The following KIAA1328 variants were observed in gnomAD, a reference collection of about 807,000 sequenced individuals.
The protein encoded by KIAA1328 is protein hinderin.
KIAA1328 carries 52 observed loss-of-function variants against 68.1 expected under a neutral mutation model. The ratio of observed to expected loss-of-function variants is 0.76; its 90% CI spans 0.61 to 0.96. The LOEUF is 0.96. Ranked by LOEUF, KIAA1328 falls within the 40% of genes least tolerant of loss-of-function variation. The probability of loss-of-function intolerance (pLI) is 0.00; values close to 1 mark genes in which losing one functional copy is unlikely to be tolerated. For missense variants in KIAA1328, 641 were observed against 677.6 expected, an observed-to-expected ratio of 0.95 and a Z score of 0.60; for synonymous variants, 232 against 239.4, an observed-to-expected ratio of 0.97 and a Z score of 0.28.
chr18:36,845,103 T>C (rs1469489224), intron 4 of KIAA1328, among the ~76,000 whole-genome samples: 2 of 151,732 alleles, frequency 1.3e-5, no homozygotes, highest in Non-Finnish European at 3.0e-5. Flanking sequence ...TACCTTACTC[T>C]AAGTCATACA....
rs58722044 is a variant in KIAA1328 at position 37,071,057 on chromosome 18, CTTTTTTTTTTTTT to C, written c.1232+3527_1232+3539del. On this transcript the variant is annotated intron_variant, in intron 7 of 9. Transcript: ENST00000280020. Reference sequence around the variant, plus strand: ...TTTTTTGTTTTTGATTTTTTTCTTCCTTTTTTTTTTTTTTTTTTTTTTTTTTTGGTTTGACAGG... The same window carrying C: ...TTTTTTGTTTTTGATTTTTTTCTTCCTTTTTTTTTTTTTTGGTTTGACAGG... 6.9e-5 allele frequency among the ~76,000 whole-genome samples: 6 copies of C among 86,846 alleles called. No individual in the cohort carries two copies. In the East Asian group the frequency reaches 1.0e-3, roughly 15 times the overall value. The allele number at this position is 86,846 out of a possible 152,430, so 57.0% of individuals were successfully genotyped here. A position where few individuals can be genotyped will look rare whatever the true frequency, so the allele number is the denominator to read the frequency against.
At chr18:37,115,502 A>C (rs1396978427) in intron 7 of KIAA1328, among the ~76,000 whole-genome samples, 1 of 152,240 alleles carries the variant, frequency 6.6e-6, no homozygotes, top group African/African-American at 2.4e-5. Flanking sequence ...CTAGGTATTG[A>C]TGGGACGTAT....
At chr18:37,213,728 T>A (rs1428768936) in intron 9 of KIAA1328, among the ~76,000 whole-genome samples, 1 of 152,166 alleles carries the variant, frequency 6.6e-6, no homozygotes, top group Non-Finnish European at 1.5e-5. Flanking sequence ...CGCCACACTG[T>A]CTTCCACAAT....
At chr18:36,910,502 C>T (rs1200739534) in intron 5 of KIAA1328, among the ~76,000 whole-genome samples, 1 of 152,118 alleles carries the variant, frequency 6.6e-6, no homozygotes, top group Non-Finnish European at 1.5e-5. Flanking sequence ...GGTACCAGTA[C>T]CATGCTGTTT....
intron 6 of KIAA1328, among the ~76,000 whole-genome samples, chr18:37,064,085 T>C (rs1223908681): frequency 1.3e-5 from 2 of 152,166 alleles, no homozygotes; most frequent in Admixed American, 1.3e-4. Flanking sequence ...AGATTCCCTT[T>C]AGATGTAAAA....
chr18:37,016,464 G>C (rs2054156530), intron 6 of KIAA1328, among the ~76,000 whole-genome samples: 1 of 151,998 alleles, frequency 6.6e-6, no homozygotes, highest in African/African-American at 2.4e-5. Context: ...TCAGATTCTG[G>C]TATCAGGATG....
At chr18:37,044,185 T>C (rs2055370256) in intron 6 of KIAA1328, among the ~76,000 whole-genome samples, 1 of 152,194 alleles carries the variant, frequency 6.6e-6, no homozygotes, top group African/African-American at 2.4e-5. Flanking sequence ...GATTATAATG[T>C]AATTGTTTTA....
chr18:36,925,079 C>T (rs1181558593), intron 5 of KIAA1328: 1 of 152,116 alleles, frequency 6.6e-6, no homozygotes, highest in African/African-American at 2.4e-5. Context: ...AATGATAATA[C>T]ACCATGGTGT....
At chr18:37,045,506 AT>A (rs1484105469) in intron 6 of KIAA1328, among the ~76,000 whole-genome samples, 1 of 151,330 alleles carries the variant, frequency 6.6e-6, no homozygotes, top group Non-Finnish European at 1.5e-5. Context: ...TTTTTTAAAA[AT>A]TTTTTGTTCT....
intron 6 of KIAA1328, among the ~76,000 whole-genome samples, chr18:36,987,661 A>T (rs2052996214): frequency 6.6e-6 from 1 of 152,064 alleles, no homozygotes; most frequent in Non-Finnish European, 1.5e-5. Context: ...GAGTGGGTGG[A>T]AGAGATTACA....
At chr18:37,041,264 T>G (rs1043624882) in intron 6 of KIAA1328, among the ~76,000 whole-genome samples, 3 of 152,026 alleles carry the variant, frequency 2.0e-5, no homozygotes, top group Non-Finnish European at 4.4e-5. Flanking sequence ...TTATTATGTC[T>G]TTCTTATTAA....
chr18:37,104,840 A>G (rs1011638658), intron 7 of KIAA1328, among the ~76,000 whole-genome samples: 2 of 152,218 alleles, frequency 1.3e-5, no homozygotes, highest in Non-Finnish European at 1.5e-5. Context: ...AATCATATCA[A>G]AAAGTGTGGA....
At chr18:37,138,390 T>G (rs1441925984) in intron 7 of KIAA1328, among the ~76,000 whole-genome samples, 1 of 152,188 alleles carries the variant, frequency 6.6e-6, no homozygotes, top group East Asian at 1.9e-4. Context: ...TTAGTGCTCC[T>G]CGGGGTGAGA....
intron 7 of KIAA1328, among the ~76,000 whole-genome samples, chr18:37,113,180 A>G (rs1186681985): frequency 2.0e-5 from 3 of 152,166 alleles, no homozygotes; most frequent in Non-Finnish European, 4.4e-5. Context: ...TATCCTCGAG[A>G]AGAGCAACTC....
chr18:37,190,545 C>G (rs997178393), intron 9 of KIAA1328, among the ~76,000 whole-genome samples: 5 of 152,164 alleles, frequency 3.3e-5, no homozygotes, highest in African/African-American at 1.2e-4. Context: ...TCTACTTTGT[C>G]AGTTTCCAGA....
At chr18:36,937,994 ATT>A (rs778561570) in intron 5 of KIAA1328, among the ~76,000 whole-genome samples, 8 of 151,520 alleles carry the variant, frequency 5.3e-5, no homozygotes, top group Non-Finnish European at 1.0e-4. Context: ...TATATTTCTC[ATT>A]TTCTTTGGTC....
chr18:36,986,247 A>G (rs2052918857), intron 6 of KIAA1328, among the ~76,000 whole-genome samples: 1 of 152,190 alleles, frequency 6.6e-6, no homozygotes, highest in Non-Finnish European at 1.5e-5. Context: ...TATAATGGAA[A>G]ACTGCTCAGC....
At chr18:37,016,887 A>G (rs551592048) in intron 6 of KIAA1328, among the ~76,000 whole-genome samples, 1 of 152,158 alleles carries the variant, frequency 6.6e-6, no homozygotes, top group Non-Finnish European at 1.5e-5. Flanking sequence ...CTAACATTCT[A>G]CCAATCTTGT....
In KIAA1328 at chr18:36,959,338, A is replaced by G. The variant is rs1470266292; in HGVS notation, c.479A>G (p.Glu160Gly). The change falls in exon 6 of 10, where the codon GAA becomes GGA. Residue 160 changes from glutamate (E) to glycine (G), a missense_variant. By Grantham distance (98) the Glu-to-Gly change is moderately conservative. Transcript: ENST00000280020. ...ALQLQYRECQ[E>G]LLSLYQKYLS... Reference sequence around the variant, plus strand: ...CAGCTACAGTATAGAGAATGCCAAGAACTTCTAAGCCTGTATCAGAAATAT... The same window carrying G: ...CAGCTACAGTATAGAGAATGCCAAGGACTTCTAAGCCTGTATCAGAAATAT... 4.2e-5 allele frequency: 67 copies of G among 1,603,298 alleles called. No homozygotes were observed. The highest frequency in any genetic ancestry group is 5.5e-5 in the Non-Finnish European group (65 of 1,175,712).
Sources: gnomAD v4.1 joint callset for allele counts (sites outside exome capture counted in the v4.1 genomes callset) on GRCh38, gnomAD v4.1.1 for gene constraint, MANE v1.5 for transcripts, NCBI Gene and HGNC (gene_info 2026-07-23, HGNC 2026-07-21) for gene names.